The following CHD4 variants were observed in gnomAD, a reference collection of about 807,000 sequenced individuals.
The protein encoded by CHD4 is chromodomain helicase DNA binding protein 4, also known as ATP-dependent chromatin remodeler CHD4.
A neutral mutation model predicts 235.5 loss-of-function variants in CHD4; 35 were observed. The ratio of observed to expected loss-of-function variants is 0.15; its 90% CI spans 0.11 to 0.20. CHD4 has a LOEUF of 0.20. Ranked by LOEUF, CHD4 falls within the 10% of genes least tolerant of loss-of-function variation. The pLI, the probability that CHD4 is intolerant of heterozygous loss-of-function variation, is 1.00. For synonymous variants in CHD4, 900 were observed against 850.2 expected, an observed-to-expected ratio of 1.06 and a Z score of -1.02; for missense variants, 1,329 against 2,432.3, an observed-to-expected ratio of 0.55 and a Z score of 9.54.
intron 33 of CHD4, chr12:6,580,712 A>C: frequency 9.0e-6 from 2 of 221,312 alleles, no homozygotes; most frequent in Non-Finnish European, 1.7e-5. Flanking sequence ...TTGAAAAAAA[A>C]AAAAAAAAAA....
intron 7 of CHD4, 118 bp from the exon 8 acceptor site, chr12:6,600,787 G>C: frequency 6.6e-7 from 1 of 1,513,088 alleles, no homozygotes; most frequent in Non-Finnish European, 8.9e-7. Context: ...CCGTTATACA[G>C]GGAGCCTAGT....
intron 8 of CHD4, 49 bp downstream of exon 8, chr12:6,600,485 C>T: frequency 6.2e-7 from 1 of 1,609,754 alleles, no homozygotes; most frequent in Non-Finnish European, 8.5e-7. Flanking sequence ...GATTCTTCCC[C>T]AATCACTCCC....
chr12:6,578,557 T>A lies in CHD4; in HGVS notation c.4982-11A>T. ...CTTCTTTCTTCTCTTCTACAGAATA[T>A]GGGGAAGAAAAATGTCAGCTCCAGC... On this transcript the variant is annotated splice_polypyrimidine_tract_variant and intron_variant, in intron 34 of 39. Transcript: ENST00000544040. 6.2e-7 allele frequency: 1 copy of A among 1,609,392 alleles called. No individual in the cohort carries two copies. The highest frequency in any genetic ancestry group is 8.5e-7 in the Non-Finnish European group (1 of 1,179,554).
chr12:6,606,887 G>A (rs1453410459), intron 1 of CHD4: 1 of 152,296 alleles, frequency 6.6e-6, no homozygotes, highest in Non-Finnish European at 1.5e-5. Context: ...CTGTCCTCTG[G>A]GACAACTCAG....
At chr12:6,581,608 A>C in intron 31 of CHD4, 41 bp downstream of exon 31, 1 of 1,614,000 alleles carries the variant, frequency 6.2e-7, no homozygotes. Flanking sequence ...AGGCCAGGAC[A>C]AAAAGAGAGG....
chr12:6,602,428 G>A lies in CHD4; in HGVS notation c.170C>T (p.Pro57Leu), dbSNP rs746824737. The A allele has an allele frequency of 1.2e-6, 2 of 1,613,974 alleles. No individual in the cohort carries two copies. The highest frequency in any genetic ancestry group is 1.7e-6 in the Non-Finnish European group (2 of 1,180,038). ...ETPKLKKKKKPKKPRDPKIPK... is the reference protein window; with the variant it reads ...ETPKLKKKKKLKKPRDPKIPK... ...GATTTTAGGGTCCCGAGGTTTCTTA[G>A]GCTTTTTCTTCTTCTTGAGCTTTGG... The change falls in exon 3 of 40, where the codon CCT (proline) becomes CTT (leucine). Residue 57 changes from proline (P) to leucine (L), a missense_variant. Pro to Leu is a moderately conservative substitution (Grantham distance 98). This residue lies in a region of CHD4 where 213 missense variants were observed against 177.5 expected (regional missense o/e 1.20). Transcript: ENST00000544040.
intron 34 of CHD4, 74 bp downstream of exon 34, chr12:6,578,772 G>A (rs2136197323): frequency 4.1e-6 from 6 of 1,460,228 alleles, no homozygotes; most frequent in South Asian, 3.4e-5. Context: ...TGGACAGGGA[G>A]GCAGGGCAGA....
intron 38 of CHD4, chr12:6,571,558 G>C (rs1470624098): frequency 6.5e-6 from 1 of 154,562 alleles, no homozygotes; most frequent in African/African-American, 2.4e-5. Flanking sequence ...GGGTGCAGTG[G>C]CTCACACCTG....
chr12:6,587,690 C>G, intron 24 of CHD4, 22 bp downstream of exon 24: 3 of 1,611,870 alleles, frequency 1.9e-6, no homozygotes, highest in Non-Finnish European at 2.5e-6. Context: ...CACACCAAAA[C>G]GTAAGTTCCT....
intron 14 of CHD4, 103 bp downstream of exon 14, chr12:6,595,231 A>G (rs992194799): frequency 1.0e-6 from 1 of 979,170 alleles, no homozygotes; most frequent in African/African-American, 1.6e-5. Context: ...CTCAGCTACA[A>G]AGTTACTATC....
chr12:6,604,042 C>T (rs912518950), intron 2 of CHD4, among the ~76,000 whole-genome samples: 2 of 152,162 alleles, frequency 1.3e-5, no homozygotes, highest in African/African-American at 4.8e-5. Context: ...CTCTGGGAGG[C>T]TGAGGCGGGC....
At chr12:6,573,593 TTC>T (rs1948016438) in intron 37 of CHD4, among the ~76,000 whole-genome samples, 1 of 152,228 alleles carries the variant, frequency 6.6e-6, no homozygotes, top group Non-Finnish European at 1.5e-5. Context: ...CCTGATATTT[TTC>T]TTTTTAGGTT....
chr12:6,581,543 CTG>C, intron 31 of CHD4, 104 bp downstream of exon 31: 1 of 1,559,102 alleles, frequency 6.4e-7, no homozygotes, highest in Non-Finnish European at 8.8e-7. Flanking sequence ...GAGGGAATTG[CTG>C]TGTGTCCTGC....
rs758173093 is a variant in CHD4, at chr12:6,591,686, CAT to C, written c.3222+6_3222+7del. ...ACTGTTCCCTAAAGCTCCCAGTCCA[CAT>C]GATACCTGGGAAAAGATGAGTACAC... On this transcript the variant is annotated splice_donor_region_variant and intron_variant, in intron 21 of 39. Coordinates refer to ENST00000544040, the MANE Select transcript of CHD4 (RefSeq NM_001273.5). 5.6e-5 allele frequency: 91 copies of C among 1,614,104 alleles called. No individual in the cohort carries two copies. The highest frequency in any genetic ancestry group is 7.0e-5 in the Non-Finnish European group (83 of 1,180,044).
intron 25 of CHD4, chr12:6,586,936 G>A (rs1948307880): frequency 6.5e-6 from 1 of 154,870 alleles, no homozygotes; most frequent in African/African-American, 2.4e-5. Context: ...GGCCTCAAGT[G>A]ATCTGCCTGC....
chr12:6,602,346 A>T (rs1306737492), intron 3 of CHD4, 30 bp downstream of exon 3: 6 of 1,610,980 alleles, frequency 3.7e-6, no homozygotes, highest in Non-Finnish European at 5.1e-6. Context: ...TCTTCCTCTG[A>T]TTCCCCGTAA....
At chr12:6,585,262 GGGA>G (rs1429835546) in intron 25 of CHD4, among the ~76,000 whole-genome samples, 2 of 152,020 alleles carry the variant, frequency 1.3e-5, no homozygotes, top group Non-Finnish European at 2.9e-5. Flanking sequence ...AGAAAAAGAA[GGGA>G]GGAGAATAAA....
At position 6,601,714 on chromosome 12, in the gene CHD4, T is replaced by C. The variant is rs1286720724; in HGVS notation, c.491A>G (p.Asp164Gly). 1.9e-6 allele frequency: 3 copies of C among 1,614,048 alleles called. No individual in the cohort carries two copies. In the African/African-American group the frequency reaches 4.0e-5, roughly 22 times the overall value. Residue 164 changes from aspartate (D) to glycine (G), a missense_variant, in exon 5 of 40, where the codon GAC (aspartate) becomes GGC (glycine). By Grantham distance (94) the Asp-to-Gly change is moderately conservative. Transcript: ENST00000544040. ...ATAATCCTCCTCTGAGAACACGTGG[T>C]CAATGTCTTCCATGCCCCAGTCTTC... ...LLEDWGMEDI[D>G]HVFSEEDYRT...
In CHD4 at chr12:6,597,974, T is replaced by C; in HGVS notation, c.1812A>G (p.Lys604=). 6.2e-7 allele frequency: 1 copy of C among 1,614,184 alleles called. No individual in the cohort carries two copies. The highest frequency in any genetic ancestry group is 8.5e-7 in the Non-Finnish European group (1 of 1,180,034). The change falls in exon 12 of 40, where the codon AAA becomes AAG. Residue 604 remains lysine (K), a synonymous_variant. Coordinates refer to ENST00000544040, the MANE Select transcript of CHD4 (RefSeq NM_001273.5). The part of the protein sequence containing the change: ...KSRKRKNKDP[K]FAEMEERFYR... ...AGAAGCGTTCCTCCATCTCTGCAAA[T>C]TTAGGGTCCTTGTTCTTTCGCTTTC...
Sources: allele counts gnomAD v4.1 joint callset (sites outside exome capture counted in the v4.1 genomes callset), GRCh38; gene constraint gnomAD v4.1.1; regional missense constraint gnomAD v4.1.1; transcripts MANE v1.5; gene names NCBI Gene and HGNC (gene_info 2026-07-23, HGNC 2026-07-21).